Variants in ERBB3 observed in about 807,000 individuals in gnomAD.
The protein encoded by ERBB3 is receptor tyrosine-protein kinase erbB-3.
In ERBB3, 96 loss-of-function variants were observed where a neutral mutation model predicts 156.7. The ratio of observed to expected loss-of-function variants is 0.61; its 90% CI spans 0.52 to 0.73. The LOEUF (loss-of-function observed/expected upper bound fraction) is 0.73. Among genes scored for constraint, ERBB3 ranks in the 30% least tolerant of loss-of-function variants. The pLI, the probability that ERBB3 is intolerant of heterozygous loss-of-function variation, is 0.00. For missense variants in ERBB3, 1,406 were observed against 1,709.4 expected, an observed-to-expected ratio of 0.82 and a Z score of 3.13; for synonymous variants, 567 against 632.0, an observed-to-expected ratio of 0.90 and a Z score of 1.54.
chr12:56,084,466 T>C (rs903646743), intron 2 of ERBB3, among the ~76,000 whole-genome samples: 1 of 150,836 alleles, frequency 6.6e-6, no homozygotes, highest in African/African-American at 2.4e-5. Context: ...AAAAATTAGC[T>C]GGGTATGGTG....
intron 9 of ERBB3, among the ~76,000 whole-genome samples, chr12:56,091,405 T>C (rs1300146752): frequency 1.6e-5 from 1 of 63,466 alleles, no homozygotes; most frequent in Non-Finnish European, 2.9e-5. Flanking sequence ...TGTATATATA[T>C]ATATATTTTT....
rs1592232479 is a variant in ERBB3, at chr12:56,101,180, G to A, written c.3321G>A (p.Glu1107=). Residue 1107 remains glutamate, a synonymous_variant, in exon 27 of 28, where the codon GAG becomes GAA. Coordinates refer to ENST00000267101, the MANE Select transcript of ERBB3 (RefSeq NM_001982.4). ...SEGHVTGSEA[E]LQEKVSMCRS... ...GGCATGTAACAGGCTCTGAGGCTGA[G>A]CTCCAGGAGAAAGTGTCAATGTGTA... 6.2e-7 allele frequency: 1 copy of A among 1,614,128 alleles called. No individual in the cohort carries two copies. The highest frequency in any genetic ancestry group is 2.2e-5 in the East Asian group (1 of 44,874).
rs1306116439 is a variant in ERBB3 at position 56,086,753 on chromosome 12, C to G, written c.547+97C>G. The G allele has an allele frequency of 2.7e-6, 4 of 1,483,966 alleles. No homozygotes were observed. The African/African-American group carries it at 5.5e-5, about 20-fold the overall frequency. 91.9% of individuals were successfully genotyped at this position (1,483,966 alleles called of 1,614,324 possible). Reference sequence around the variant, plus strand: ...TACATTCCTGATCTGAACCCGCCTCCCCAGTGAACAAACACCTCAGGTCCC... The same window carrying G: ...TACATTCCTGATCTGAACCCGCCTCGCCAGTGAACAAACACCTCAGGTCCC... On this transcript the variant is annotated intron_variant, in intron 4 of 27. Coordinates refer to ENST00000267101, the MANE Select transcript of ERBB3 (RefSeq NM_001982.4).
intron 4 of ERBB3, 115 bp from the exon 5 acceptor site, chr12:56,087,462 C>T (rs1244817054): frequency 5.4e-6 from 5 of 930,660 alleles, no homozygotes; most frequent in Admixed American, 5.1e-5. Context: ...GGACACAGCC[C>T]TGGCTTTTTG....
In ERBB3 at chr12:56,090,440, T is replaced by G. The variant is rs563270024; in HGVS notation, c.1109+1572T>G. Among the ~76,000 whole-genome samples the G allele has an allele frequency of 8.0e-4, 122 of 151,650 alleles. No individual in the cohort carries two copies. The Middle Eastern group carries it at 0.017, about 21-fold the overall frequency. ...AGGTGTGGATCACGAGGTCAAGAGATTGAGACCATCCTGGCCAACATGGTG... is the reference window on the plus strand; with the variant it reads ...AGGTGTGGATCACGAGGTCAAGAGAGTGAGACCATCCTGGCCAACATGGTG... On this transcript the variant is annotated intron_variant, in intron 9 of 27. Coordinates refer to ENST00000267101, the MANE Select transcript of ERBB3 (RefSeq NM_001982.4).
chr12:56,101,494 T>G, intron 27 of ERBB3, 35 bp from the exon 28 acceptor site: 1 of 1,611,352 alleles, frequency 6.2e-7, no homozygotes, highest in Non-Finnish European at 8.5e-7. Context: ...CTCATGAAGT[T>G]CTTCACATAC....
In ERBB3 at chr12:56,102,771, C is replaced by T; in HGVS notation, c.*716C>T. On this transcript the variant is annotated 3_prime_UTR_variant, in exon 28 of 28. Transcript: ENST00000267101. ...ATTACCTGAGGCAAGGAGTTTGAGA[C>T]CAGCTTAGCCAACATAGTAAGACCC... The T allele has an allele frequency of 5.6e-6, 1 of 179,722 alleles. No individual in the cohort carries two copies. Among genetic ancestry groups the T allele is most frequent in the Non-Finnish European group, 1.1e-5 (1 of 93,302 alleles). The allele number at this position is 179,722 out of a possible 1,614,324, so 11.1% of individuals were successfully genotyped here.
rs1183624765 is a variant in ERBB3, at chr12:56,101,966, C to A, written c.3940C>A (p.Arg1314Ser). The change falls in exon 28 of 28, where the codon CGT (arginine) becomes AGT (serine). Residue 1314 changes from arginine to serine, a missense_variant. Physicochemically the swap from Arg to Ser is moderately radical, Grantham distance 110. Coordinates refer to ENST00000267101, the MANE Select transcript of ERBB3 (RefSeq NM_001982.4). ...CCATTATGCCCGCCTAAAAACTCTA[C>A]GTAGCTTAGAGGCTACAGACTCTGC... ...HVHYARLKTLRSLEATDSAFD... is the reference protein window; with the variant it reads ...HVHYARLKTLSSLEATDSAFD... 1 of 1,613,826 alleles carries A rather than the reference C, an allele frequency of 6.2e-7. No homozygotes were observed. Among genetic ancestry groups the A allele is most frequent in the Non-Finnish European group, 8.5e-7 (1 of 1,179,916 alleles).
At chr12:56,097,456 C>T (rs1448489918) in intron 20 of ERBB3, among the ~76,000 whole-genome samples, 2 of 152,172 alleles carry the variant, frequency 1.3e-5, no homozygotes, top group Non-Finnish European at 2.9e-5. Context: ...CTTGCATTAC[C>T]GCCCGAGTTC....
In ERBB3 at chr12:56,087,628, A is replaced by G. The variant is rs771269574; in HGVS notation, c.599A>G (p.Glu200Gly). ...GGGCGATGCTGGGGTCCTGGATCAGAAGACTGCCAGACATGTGGGTTTGAA... is the reference window on the plus strand; with the variant it reads ...GGGCGATGCTGGGGTCCTGGATCAGGAGACTGCCAGACATGTGGGTTTGAA... ...CKGRCWGPGS[E>G]DCQTLTKTIC... Residue 200 changes from glutamate (E) to glycine (G), a missense_variant, in exon 5 of 28, where the codon GAA (glutamate) becomes GGA (glycine). This residue lies in a region of ERBB3 where 979 missense variants were observed against 1,219.6 expected (regional missense o/e 0.80). Coordinates refer to ENST00000267101, the MANE Select transcript of ERBB3 (RefSeq NM_001982.4). 1.2e-6 allele frequency: 2 copies of G among 1,614,126 alleles called. No homozygotes were observed. Among genetic ancestry groups the G allele is most frequent in the Non-Finnish European group, 1.7e-6 (2 of 1,180,000 alleles).
In ERBB3 at chr12:56,098,575, G is replaced by A. The variant is rs1292738827; in HGVS notation, c.2692G>A (p.Gly898Ser). The A allele has an allele frequency of 6.2e-7, 1 of 1,612,974 alleles. No homozygotes were observed. Among genetic ancestry groups the A allele is most frequent in the Non-Finnish European group, 8.5e-7 (1 of 1,178,994 alleles). Residue 898 changes from glycine (G) to serine (S), a missense_variant and splice_region_variant, in exon 22 of 28, where the codon GGT becomes AGT. Around this residue, in one of 3 missense-constraint regions of ERBB3, gnomAD observed 979 missense variants for 1,219.6 expected, o/e 0.80. Transcript: ENST00000267101. Reference sequence around the variant, plus strand: ...ACACCAGAGTGATGTCTGGAGCTATGGTCAGTGCATCTGGATGCCCTCTCT... The same window carrying A: ...ACACCAGAGTGATGTCTGGAGCTATAGTCAGTGCATCTGGATGCCCTCTCT... ...YTHQSDVWSY[G>S]VTVWELMTFG...
Position 56,102,057 on chromosome 12 carries a change from T to A in ERBB3, c.*2T>A. The A allele has an allele frequency of 6.2e-7, 1 of 1,606,120 alleles. No individual in the cohort carries two copies. The highest frequency in any genetic ancestry group is 2.2e-5 in the East Asian group (1 of 44,868). On this transcript the variant is annotated 3_prime_UTR_variant, in exon 28 of 28. Transcript: ENST00000267101. ...AAGGCTAATGCCCAGAGAACGTAAC[T>A]CCTGCTCCCTGTGGCACTCAGGGAG...
rs775899344 is a variant in ERBB3, at chr12:56,088,765, T to C, written c.1006T>C (p.Ser336Pro). 2 of 1,614,086 alleles carry C rather than the reference T, an allele frequency of 1.2e-6. No individual in the cohort carries two copies. The highest frequency in any genetic ancestry group is 3.3e-5 in the Admixed American group (2 of 60,008). The change falls in exon 9 of 28, where the codon TCT (serine) becomes CCT (proline). Residue 336 changes from serine (S) to proline (P), a missense_variant. By Grantham distance (74) the Ser-to-Pro change is moderately conservative (BLOSUM62 -1). Coordinates refer to ENST00000267101, the MANE Select transcript of ERBB3 (RefSeq NM_001982.4). ...LCPKACEGTG[S>P]GSRFQTVDSS... ...ATTTGCAGCCTGTGAGGGAACAGGC[T>C]CTGGGAGCCGCTTCCAGACTGTGGA...
At position 56,085,043 on chromosome 12, in the gene ERBB3, T is replaced by C; in HGVS notation, c.283T>C (p.Ser95Pro). 6.2e-7 allele frequency: 1 copy of C among 1,614,180 alleles called. No homozygotes were observed. Among genetic ancestry groups the C allele is most frequent in the Non-Finnish European group, 8.5e-7 (1 of 1,180,032 alleles). ...GYVLVAMNEF[S>P]TLPLPNLRVV... ...TGTCCTCGTGGCCATGAATGAATTC[T>C]CTACTCTACCATTGCCCAACCTCCG... Residue 95 changes from serine to proline, a missense_variant, in exon 3 of 28, where the codon TCT (serine) becomes CCT (proline). Ser to Pro is a moderately conservative substitution (Grantham distance 74, BLOSUM62 -1). Around this residue, in one of 3 missense-constraint regions of ERBB3, gnomAD observed 979 missense variants for 1,219.6 expected, o/e 0.80. Coordinates refer to ENST00000267101, the MANE Select transcript of ERBB3 (RefSeq NM_001982.4).
In ERBB3 at chr12:56,087,562, T is replaced by G. The variant is rs1410018379; in HGVS notation, c.548-15T>G. On this transcript the variant is annotated splice_polypyrimidine_tract_variant and intron_variant, in intron 4 of 27. Coordinates refer to ENST00000267101, the MANE Select transcript of ERBB3 (RefSeq NM_001982.4). ...AGCCCTGATGGCCCCTTGTGTTGCCTTCCTTCCCAACCAGGTCCCCCCTGT... is the reference window on the plus strand; with the variant it reads ...AGCCCTGATGGCCCCTTGTGTTGCCGTCCTTCCCAACCAGGTCCCCCCTGT... 2.5e-6 allele frequency: 4 copies of G among 1,613,194 alleles called. No individual in the cohort carries two copies. The highest frequency in any genetic ancestry group is 3.4e-6 in the Non-Finnish European group (4 of 1,179,264).
Position 56,102,225 on chromosome 12 carries a change from A to G in ERBB3, c.*170A>G. 1 of 660,974 alleles carries G rather than the reference A, an allele frequency of 1.5e-6. No homozygotes were observed. The highest frequency in any genetic ancestry group is 2.6e-6 in the Non-Finnish European group (1 of 379,546). The allele number at this position is 660,974 out of a possible 1,614,324, so 40.9% of individuals were successfully genotyped here. ...TTAAACATTTTGACACAAAATTCTTATGGTATGTAGCCAGCTGTGCACTTT... is the reference window on the plus strand; with the variant it reads ...TTAAACATTTTGACACAAAATTCTTGTGGTATGTAGCCAGCTGTGCACTTT... On this transcript the variant is annotated 3_prime_UTR_variant, in exon 28 of 28. Coordinates refer to ENST00000267101, the MANE Select transcript of ERBB3 (RefSeq NM_001982.4).
chr12:56,093,285 C>T, intron 11 of ERBB3, 60 bp from the exon 12 acceptor site: 1 of 1,469,596 alleles, frequency 6.8e-7, no homozygotes, highest in Non-Finnish European at 9.5e-7. Flanking sequence ...AACATGAATC[C>T]TTTGAATAGT....
At position 56,095,732 on chromosome 12, in the gene ERBB3, G is replaced by A. The variant is rs139022684; in HGVS notation, c.1981G>A (p.Gly661Ser). 1.3e-5 allele frequency: 21 copies of A among 1,614,056 alleles called. No individual in the cohort carries two copies. Among genetic ancestry groups the A allele is most frequent in the Middle Eastern group, 3.3e-4 (2 of 6,084 alleles). The change falls in exon 17 of 28, where the codon GGC (glycine) becomes AGC (serine). Residue 661 changes from glycine (G) to serine (S), a missense_variant. Around this residue, in one of 3 missense-constraint regions of ERBB3, gnomAD observed 979 missense variants for 1,219.6 expected, o/e 0.80. Coordinates refer to ENST00000267101, the MANE Select transcript of ERBB3 (RefSeq NM_001982.4). ...GLVVIFMMLG[G>S]TFLYWRGRRI... is the part of the protein sequence containing the mutation. ...GGTAGTGATTTTCATGATGCTGGGC[G>A]GCACTTTTCTCTACTGGCGTGGGCG...
In ERBB3 at chr12:56,095,244, C is replaced by A. The variant is rs1409393491; in HGVS notation, c.1860-13C>A. 6 of 1,608,680 alleles carry A rather than the reference C, an allele frequency of 3.7e-6. No individual in the cohort carries two copies. The highest frequency in any genetic ancestry group is 5.1e-6 in the Non-Finnish European group (6 of 1,175,060). On this transcript the variant is annotated splice_polypyrimidine_tract_variant and intron_variant, in intron 15 of 27. Coordinates refer to ENST00000267101, the MANE Select transcript of ERBB3 (RefSeq NM_001982.4). ...TCCAAGCTCTCATTTAAGGTGGTGA[C>A]TTTCTTCCCTAGGTGTAAAGGACCA... is the stretch of plus-strand genomic sequence containing the variant.
Sources: gnomAD v4.1 joint callset for allele counts (sites outside exome capture counted in the v4.1 genomes callset) on GRCh38, gnomAD v4.1.1 for gene constraint, gnomAD v4.1.1 regional missense constraint, MANE v1.5 for transcripts, NCBI Gene and HGNC (gene_info 2026-07-23, HGNC 2026-07-21) for gene names.